The following PRDM5 variants were observed in gnomAD, a reference collection of about 807,000 sequenced individuals.
The protein encoded by PRDM5 is PR/SET domain 5.
In PRDM5, 56 loss-of-function variants were observed where a neutral mutation model predicts 81.2. The observed-to-expected ratio is 0.69, with a 90% CI of 0.56 to 0.86. The LOEUF (loss-of-function observed/expected upper bound fraction) is 0.86, where lower values mean the gene tolerates loss of function less well. Among genes scored for constraint, PRDM5 ranks in the 40% least tolerant of loss-of-function variants. The pLI, the probability that PRDM5 is intolerant of heterozygous loss-of-function variation, is 0.00. For missense variants in PRDM5, 697 were observed against 770.1 expected, an observed-to-expected ratio of 0.91 and a Z score of 1.12; for synonymous variants, 267 against 256.4, an observed-to-expected ratio of 1.04 and a Z score of -0.39.
At chr4:120,759,235 T>G (rs1480896680) in intron 13 of PRDM5, among the ~76,000 whole-genome samples, 3 of 152,226 alleles carry the variant, frequency 2.0e-5, no homozygotes, top group African/African-American at 7.2e-5. Context: ...TCAACTCCAT[T>G]CCTTCATTCT....
chr4:120,832,400 A>C (rs757921218), intron 3 of PRDM5, among the ~76,000 whole-genome samples: 2 of 152,136 alleles, frequency 1.3e-5, no homozygotes, highest in Non-Finnish European at 2.9e-5. Context: ...GCACATGAGG[A>C]TTATGGGAAC....
At chr4:120,795,099 GGA>G (rs1285412411) in intron 10 of PRDM5, among the ~76,000 whole-genome samples, 1 of 152,130 alleles carries the variant, frequency 6.6e-6, no homozygotes, top group African/African-American at 2.4e-5. Context: ...TTTCATCCCT[GGA>G]AGGCTAAGTA....
intron 8 of PRDM5, among the ~76,000 whole-genome samples, chr4:120,810,234 C>T (rs1421363624): frequency 2.6e-5 from 4 of 152,030 alleles, no homozygotes; most frequent in Non-Finnish European, 5.9e-5. Flanking sequence ...AAATTTCAAC[C>T]TCTAAGATTT....
intron 14 of PRDM5, among the ~76,000 whole-genome samples, chr4:120,724,709 T>C (rs1195338425): frequency 6.6e-6 from 1 of 152,156 alleles, no homozygotes; most frequent in East Asian, 1.9e-4. Flanking sequence ...AAGGGATATC[T>C]AATTCTAAAA....
chr4:120,690,123 G>C (rs1733981777), downstream of PRDM5, among the ~76,000 whole-genome samples: 1 of 152,034 alleles, frequency 6.6e-6, no homozygotes, highest in Non-Finnish European at 1.5e-5. Flanking sequence ...AGGCAATTTT[G>C]GTTCTTCAGA....
intron 2 of PRDM5, among the ~76,000 whole-genome samples, chr4:120,868,875 C>T (rs1260801770): frequency 6.6e-6 from 1 of 152,052 alleles, no homozygotes; most frequent in Admixed American, 6.6e-5. Context: ...ACAGTCTCTT[C>T]CATACTTATG....
At chr4:120,730,040 C>A (rs6815900) in intron 14 of PRDM5, among the ~76,000 whole-genome samples, 1 of 152,112 alleles carries the variant, frequency 6.6e-6, no homozygotes, top group Non-Finnish European at 1.5e-5. Flanking sequence ...TCATTCAATA[C>A]GGAACATAAT....
intron 10 of PRDM5, among the ~76,000 whole-genome samples, chr4:120,788,390 A>G (rs1031618944): frequency 6.6e-6 from 1 of 152,196 alleles, no homozygotes; most frequent in African/African-American, 2.4e-5. Flanking sequence ...AAGACATTCT[A>G]CAAAACATTG....
At position 120,870,100 on chromosome 4, in the gene PRDM5, A is replaced by C. The variant is rs537032427; in HGVS notation, c.178-16560T>G. On this transcript the variant is annotated intron_variant, in intron 2 of 15. Transcript: ENST00000264808. ...GGAGAAGGGGAGAAACAGCGAGATA[A>C]AGGACGAGGAAGGAAGGGAAGACGG... Among the ~76,000 whole-genome samples the C allele has an allele frequency of 2.6e-5, 4 of 152,132 alleles. No homozygotes were observed. In the South Asian group the frequency reaches 6.2e-4, roughly 24 times the overall value.
Position 120,816,314 on chromosome 4 carries a change from A to T in PRDM5, c.865+139T>A, listed in dbSNP as rs562592270. ...AAATAGTGTTCAGTGAAAGAAAAAA[A>T]TCCACTGCCAGCGCTCCACATCTGT... is the stretch of plus-strand genomic sequence containing the variant. On this transcript the variant is annotated intron_variant, in intron 7 of 15. Coordinates refer to ENST00000264808, the MANE Select transcript of PRDM5 (RefSeq NM_018699.4). 2.4e-5 allele frequency: 33 copies of T among 1,395,598 alleles called. No homozygotes were observed. In the South Asian group the frequency reaches 3.8e-4, roughly 16 times the overall value. The allele number at this position is 1,395,598 out of a possible 1,614,324, so 86.5% of individuals were successfully genotyped here.
At chr4:120,874,668 G>A (rs1298492861) in intron 2 of PRDM5, among the ~76,000 whole-genome samples, 1 of 152,174 alleles carries the variant, frequency 6.6e-6, no homozygotes, top group Non-Finnish European at 1.5e-5. Context: ...ATTAGGACAA[G>A]ATTGATTACT....
intron 14 of PRDM5, among the ~76,000 whole-genome samples, chr4:120,722,655 T>A (rs1278484836): frequency 1.3e-5 from 2 of 152,142 alleles, no homozygotes; most frequent in African/African-American, 2.4e-5. Context: ...GATTCTGATT[T>A]GCAGACGCAT....
intron 3 of PRDM5, among the ~76,000 whole-genome samples, chr4:120,824,494 C>T (rs1755698104): frequency 6.6e-6 from 1 of 152,180 alleles, no homozygotes; most frequent in Admixed American, 6.5e-5. Flanking sequence ...TGTTCAACAT[C>T]AAGGCCTGCT....
At chr4:120,825,039 G>T (rs760004043) in intron 3 of PRDM5, among the ~76,000 whole-genome samples, 1 of 152,072 alleles carries the variant, frequency 6.6e-6, no homozygotes, top group African/African-American at 2.4e-5. Flanking sequence ...TTGATACCAG[G>T]AAGCAGTACT....
intron 10 of PRDM5, among the ~76,000 whole-genome samples, chr4:120,794,514 A>AACACAC (rs70948364): frequency 0.011 from 1,623 of 143,666 alleles, 15 homozygotes; most frequent in South Asian, 0.017. Flanking sequence ...TCCAAAATCT[A>AACACAC]ACACACACAC....
chr4:120,741,755 A>C (rs56073722), intron 14 of PRDM5, among the ~76,000 whole-genome samples: 9,160 of 152,092 alleles, frequency 0.06, 574 homozygotes, highest in African/African-American at 0.16. Flanking sequence ...AGATTATATC[A>C]TGCACCTGGC....
chr4:120,771,946 T>C (rs1047081682), intron 13 of PRDM5, among the ~76,000 whole-genome samples: 2 of 152,214 alleles, frequency 1.3e-5, no homozygotes, highest in Non-Finnish European at 2.9e-5. Context: ...GTATTTTACA[T>C]ACATGATTTC....
In PRDM5 at chr4:120,812,753, C is replaced by A. The variant is rs1035268731; in HGVS notation, c.866-1304G>T. The A allele has an allele frequency of 1.5e-5, 6 of 394,234 alleles. 1 individual carries two copies. Among genetic ancestry groups the A allele is most frequent in the Non-Finnish European group, 2.9e-5 (6 of 205,220 alleles). The allele number at this position is 394,234 out of a possible 1,614,324, so 24.4% of individuals were successfully genotyped here. A position where few individuals can be genotyped will look rare whatever the true frequency, so the allele number is the denominator to read the frequency against. On this transcript the variant is annotated intron_variant, in intron 7 of 15. Transcript: ENST00000264808. ...TCTTTTTAAATTTGAGACATCTTCACAGCTTCATATACCACCTTTCTCATA... is the reference window on the plus strand; with the variant it reads ...TCTTTTTAAATTTGAGACATCTTCAAAGCTTCATATACCACCTTTCTCATA...
chr4:120,861,498 T>G (rs1470084033), intron 2 of PRDM5, among the ~76,000 whole-genome samples: 1 of 152,112 alleles, frequency 6.6e-6, no homozygotes, highest in African/African-American at 2.4e-5. Flanking sequence ...GATGGTGTTT[T>G]TAGAAAAAGA....
Sources: allele counts gnomAD v4.1 joint callset (sites outside exome capture counted in the v4.1 genomes callset), GRCh38; gene constraint gnomAD v4.1.1; transcripts MANE v1.5; gene names NCBI Gene and HGNC (gene_info 2026-07-23, HGNC 2026-07-21).